The following ZNF804B variants were observed in gnomAD, a reference collection of about 807,000 sequenced individuals.
ZNF804B encodes the protein zinc finger protein 804B.
In ZNF804B, 80 loss-of-function variants were observed where a neutral mutation model predicts 101.4. The observed-to-expected ratio is 0.79, with a 90% CI of 0.66 to 0.95. The LOEUF is 0.95. Among genes scored for constraint, ZNF804B ranks in the 40% least tolerant of loss-of-function variants. The pLI, the probability that ZNF804B is intolerant of heterozygous loss-of-function variation, is 0.00. For synonymous variants in ZNF804B, 622 were observed against 558.8 expected, an observed-to-expected ratio of 1.11 and a Z score of -1.59; for missense variants, 1,673 against 1,561.9, an observed-to-expected ratio of 1.07 and a Z score of -1.20.
rs549135258 is a variant in ZNF804B, at chr7:88,838,698, A to G, written c.108+78614A>G. On this transcript the variant is annotated intron_variant, in intron 1 of 3. Transcript: ENST00000333190. ...TTTCTTGATTTGACATTTTAGGGCCATGGTCAAACCCTGTAAACTCTTTGT... is the reference window on the plus strand; with the variant it reads ...TTTCTTGATTTGACATTTTAGGGCCGTGGTCAAACCCTGTAAACTCTTTGT... 5.3e-5 allele frequency among the ~76,000 whole-genome samples: 8 copies of G among 152,048 alleles called. No homozygotes were observed. The East Asian group carries it at 1.5e-3, about 29-fold the overall frequency.
chr7:89,257,585 T>A lies in ZNF804B; in HGVS notation c.249+39290T>A, dbSNP rs904672992. 2.0e-5 allele frequency among the ~76,000 whole-genome samples: 3 copies of A among 152,060 alleles called. No homozygotes were observed. The East Asian group carries it at 5.8e-4, about 29-fold the overall frequency. On this transcript the variant is annotated intron_variant, in intron 2 of 3. Transcript: ENST00000333190. ...TTAATCACTCTTTTAAATGAATAAT[T>A]GGCATATATTTATAATTGTATATAT...
intron 1 of ZNF804B, among the ~76,000 whole-genome samples, chr7:89,126,726 G>A (rs878955007): frequency 3.3e-5 from 5 of 151,724 alleles, no homozygotes; most frequent in Non-Finnish European, 5.9e-5. Context: ...TTCGGAGTAC[G>A]GAGATTCTTT....
Position 89,229,895 on chromosome 7 carries a change from C to G in ZNF804B, c.249+11600C>G, listed in dbSNP as rs1789162749. 2.6e-5 allele frequency among the ~76,000 whole-genome samples: 4 copies of G among 151,768 alleles called. No individual in the cohort carries two copies. In the South Asian group the frequency reaches 8.3e-4, roughly 32 times the overall value. On this transcript the variant is annotated intron_variant, in intron 2 of 3. Transcript: ENST00000333190. ...ATCACAATGTAATTAAACTAGACACCTGTAATAAATATTTGGAAACTCACA... is the reference window on the plus strand; with the variant it reads ...ATCACAATGTAATTAAACTAGACACGTGTAATAAATATTTGGAAACTCACA...
At chr7:88,849,318 G>A (rs1328231174) in intron 1 of ZNF804B, among the ~76,000 whole-genome samples, 2 of 151,838 alleles carry the variant, frequency 1.3e-5, no homozygotes, top group Non-Finnish European at 2.9e-5. Flanking sequence ...CTGAGTAGAA[G>A]GAAAGGGTCT....
rs1172101557 is a variant in ZNF804B at position 89,180,991 on chromosome 7, G to T, written c.109-37164G>T. The stretch of plus-strand genomic sequence containing the variant: ...GCTGGCCTGAATGCTCCCTCTGTGG[G>T]TATTGGTCTGAAATGGGGGCCTTAA... On this transcript the variant is annotated intron_variant, in intron 1 of 3. Coordinates refer to ENST00000333190, the MANE Select transcript of ZNF804B (RefSeq NM_181646.5). Among the ~76,000 whole-genome samples, 4 of 151,392 alleles carry T rather than the reference G, an allele frequency of 2.6e-5. No individual in the cohort carries two copies. In the East Asian group the frequency reaches 7.8e-4, roughly 30 times the overall value.
At chr7:89,171,900 T>C (rs1791242806) in intron 1 of ZNF804B, among the ~76,000 whole-genome samples, 1 of 152,170 alleles carries the variant, frequency 6.6e-6, no homozygotes, top group African/African-American at 2.4e-5. Context: ...AATTGAGTTA[T>C]TTTAGACTTG....
chr7:88,867,958 T>G (rs1791757511), intron 1 of ZNF804B, among the ~76,000 whole-genome samples: 1 of 152,116 alleles, frequency 6.6e-6, no homozygotes, highest in South Asian at 2.1e-4. Context: ...CTGCTGGTTA[T>G]ACTAATATAT....
chr7:89,156,061 T>C (rs867582528), intron 1 of ZNF804B, among the ~76,000 whole-genome samples: 7,914 of 77,042 alleles, frequency 0.1, 369 homozygotes, highest in Middle Eastern at 0.16. Flanking sequence ...TCTTTCTTTC[T>C]TTCTTTCTTT....
intron 1 of ZNF804B, among the ~76,000 whole-genome samples, chr7:89,208,121 G>A (rs1380758872): frequency 8.5e-5 from 12 of 141,920 alleles, no homozygotes; most frequent in Non-Finnish European, 1.2e-4. Context: ...TCTCTCTGTC[G>A]TCCAGGCTGG....
intron 2 of ZNF804B, among the ~76,000 whole-genome samples, chr7:89,253,941 A>G (rs1789582506): frequency 6.6e-6 from 1 of 152,152 alleles, no homozygotes; most frequent in Non-Finnish European, 1.5e-5. Flanking sequence ...TTAATATTCA[A>G]TATCCATTCA....
At chr7:88,877,303 T>A (rs1232458206) in intron 1 of ZNF804B, among the ~76,000 whole-genome samples, 3 of 151,620 alleles carry the variant, frequency 2.0e-5, no homozygotes, top group Admixed American at 2.0e-4. Context: ...TTTCTCACTC[T>A]CTCTCAGCAT....
chr7:88,821,200 A>G (rs1009504420), intron 1 of ZNF804B, among the ~76,000 whole-genome samples: 2 of 152,174 alleles, frequency 1.3e-5, no homozygotes, highest in African/African-American at 4.8e-5. Context: ...TATACACCAT[A>G]ATTCCCTGGT....
At chr7:89,163,697 A>C (rs1791101568) in intron 1 of ZNF804B, among the ~76,000 whole-genome samples, 1 of 152,088 alleles carries the variant, frequency 6.6e-6, no homozygotes, top group Non-Finnish European at 1.5e-5. Context: ...TAATTTATGA[A>C]TTTTCAATGA....
intron 1 of ZNF804B, among the ~76,000 whole-genome samples, chr7:89,080,137 G>A (rs1789674259): frequency 1.3e-5 from 2 of 151,908 alleles, no homozygotes; most frequent in Non-Finnish European, 2.9e-5. Flanking sequence ...TAAAGATGGT[G>A]CCTTGGACCA....
chr7:89,019,633 T>C (rs1366589397), intron 1 of ZNF804B, among the ~76,000 whole-genome samples: 1 of 152,042 alleles, frequency 6.6e-6, no homozygotes, highest in Non-Finnish European at 1.5e-5. Context: ...GATCCAGTAG[T>C]ATTTACCTTA....
intron 1 of ZNF804B, among the ~76,000 whole-genome samples, chr7:89,003,984 T>G (rs530823794): frequency 6.6e-6 from 1 of 151,492 alleles, no homozygotes; most frequent in South Asian, 2.1e-4. Flanking sequence ...AATTGTTTAT[T>G]TAAATTAAAA....
intron 1 of ZNF804B, among the ~76,000 whole-genome samples, chr7:88,942,132 A>G (rs1793063055): frequency 6.6e-6 from 1 of 151,884 alleles, no homozygotes; most frequent in South Asian, 2.1e-4. Flanking sequence ...ACTCATAGTT[A>G]TCTGTATTAA....
chr7:88,768,589 G>A (rs187703780), intron 1 of ZNF804B, among the ~76,000 whole-genome samples: 44 of 152,216 alleles, frequency 2.9e-4, no homozygotes, highest in Non-Finnish European at 5.6e-4. Context: ...ATGGTGGCAC[G>A]AGCCTGTAAT....
rs143476034 is a variant in ZNF804B at position 89,218,174 on chromosome 7, C to T, written c.128C>T (p.Ser43Phe). 3 of 1,612,660 alleles carry T rather than the reference C, an allele frequency of 1.9e-6. No individual in the cohort carries two copies. Among genetic ancestry groups the T allele is most frequent in the Non-Finnish European group, 2.5e-6 (3 of 1,179,450 alleles). Residue 43 changes from serine (S) to phenylalanine (F), a missense_variant, in exon 2 of 4, where the codon TCC becomes TTC. Coordinates refer to ENST00000333190, the MANE Select transcript of ZNF804B (RefSeq NM_181646.5). Reference sequence around the variant, plus strand: ...TTAAAGGATTTTGCAGAAAAGAAGTCCACAGCAAAGGCCCTGGAAGATGTA... The same window carrying T: ...TTAAAGGATTTTGCAGAAAAGAAGTTCACAGCAAAGGCCCTGGAAGATGTA... ...SPSPDFAEKKSTAKALEDVKA... is the reference protein window; with the variant it reads ...SPSPDFAEKKFTAKALEDVKA...
Sources: allele counts gnomAD v4.1 joint callset (sites outside exome capture counted in the v4.1 genomes callset), GRCh38; gene constraint gnomAD v4.1.1; transcripts MANE v1.5; gene names NCBI Gene and HGNC (gene_info 2026-07-23, HGNC 2026-07-21).